PPFIA1: variants seen among roughly 807,000 people sequenced by gnomAD.
PPFIA1 encodes the protein PPFI scaffold protein A1.
Under a neutral mutation model 149.9 loss-of-function variants are expected in PPFIA1, and 25 were observed. The ratio of observed to expected loss-of-function variants is 0.17; its 90% CI spans 0.12 to 0.23. The LOEUF is 0.23. Ranked by LOEUF, PPFIA1 falls within the 10% of genes least tolerant of loss-of-function variation. PPFIA1 has a pLI of 1.00. For synonymous variants in PPFIA1, 549 were observed against 552.8 expected (o/e 0.99, Z 0.10); for missense variants, 1,362 against 1,506.5 (o/e 0.90, Z 1.59).
chr11:70,326,588 C>A lies in PPFIA1; in HGVS notation c.709-9C>A. 1 of 1,595,518 alleles carries A rather than the reference C, an allele frequency of 6.3e-7. No individual in the cohort carries two copies. The highest frequency in any genetic ancestry group is 8.5e-7 in the Non-Finnish European group (1 of 1,169,630). ...AGGGTATTTAAGGATTTTTTTTTCCCCCTATCAGAGATCTTCTGATGGTTC... is the reference window on the plus strand; with the variant it reads ...AGGGTATTTAAGGATTTTTTTTTCCACCTATCAGAGATCTTCTGATGGTTC... On this transcript the variant is annotated splice_polypyrimidine_tract_variant and intron_variant, in intron 6 of 27. Transcript: ENST00000253925.
intron 2 of PPFIA1, among the ~76,000 whole-genome samples, chr11:70,309,846 G>C (rs1271107436): frequency 6.6e-6 from 1 of 152,122 alleles, no homozygotes; most frequent in Non-Finnish European, 1.5e-5. Flanking sequence ...AGGGCGGAGA[G>C]GGGAGGGAGG....
chr11:70,294,090 C>T (rs2051724607), intron 2 of PPFIA1, among the ~76,000 whole-genome samples: 1 of 151,914 alleles, frequency 6.6e-6, no homozygotes, highest in South Asian at 2.1e-4. Context: ...GTGTGCAGTG[C>T]ACCACCATGC....
intron 16 of PPFIA1, among the ~76,000 whole-genome samples, chr11:70,352,631 G>A (rs1222108193): frequency 6.6e-6 from 1 of 152,030 alleles, no homozygotes; most frequent in Non-Finnish European, 1.5e-5. Flanking sequence ...AGTGGTGTTG[G>A]TGTAGACCAA....
At chr11:70,295,512 A>C (rs1376284901) in intron 2 of PPFIA1, among the ~76,000 whole-genome samples, 25 of 60,642 alleles carry the variant, frequency 4.1e-4, no homozygotes, top group Admixed American at 7.4e-4. Context: ...GGGGGGGCTG[A>C]CCCCCCCCAC....
intron 21 of PPFIA1, among the ~76,000 whole-genome samples, chr11:70,368,952 C>CTT (rs35915106): frequency 1.4e-5 from 2 of 138,380 alleles, no homozygotes; most frequent in Non-Finnish European, 3.2e-5. Context: ...CACAGTCAGT[C>CTT]TTTTTTTTTT....
At chr11:70,325,412 A>T (rs910527396) in intron 4 of PPFIA1, 88 bp from the exon 5 acceptor site, 1 of 748,304 alleles carries the variant, frequency 1.3e-6, no homozygotes, top group Non-Finnish European at 2.2e-6. Flanking sequence ...TATATACATT[A>T]AGTGTATATA....
Position 70,300,527 on chromosome 11 carries a change from C to T in PPFIA1, c.265-23875C>T, listed in dbSNP as rs374430171. Among the ~76,000 whole-genome samples, 902 of 150,144 alleles carry T rather than the reference C, an allele frequency of 6.0e-3. 10 individuals carry two copies. The highest frequency in any genetic ancestry group is 0.02 in the African/African-American group (814 of 41,070). On this transcript the variant is annotated intron_variant, in intron 2 of 27. Coordinates refer to ENST00000253925, the MANE Select transcript of PPFIA1 (RefSeq NM_003626.5). ...GGGACTATAAGCATGTGCCACCATG[C>T]CCACCTAATTTTTTTTTTTTTTTTT...
At chr11:70,375,195 A>AC (rs1475556297) in intron 24 of PPFIA1, 102 bp downstream of exon 24, 3 of 417,328 alleles carry the variant, frequency 7.2e-6, no homozygotes, top group Admixed American at 6.1e-5. Flanking sequence ...AAAAAAAAAA[A>AC]AAAAAAACTT....
chr11:70,333,191 G>A (rs947458497), intron 9 of PPFIA1: 6 of 536,464 alleles, frequency 1.1e-5, no homozygotes, highest in Middle Eastern at 3.4e-4. Context: ...GGAGAATCAC[G>A]ACTCCATTGA....
chr11:70,375,346 T>C (rs1292139072), intron 24 of PPFIA1: 1 of 317,652 alleles, frequency 3.1e-6, no homozygotes, highest in Non-Finnish European at 5.6e-6. Flanking sequence ...AAGAGTGACA[T>C]ATATTTAGTT....
chr11:70,348,645 C>G (rs1298061595), intron 16 of PPFIA1, among the ~76,000 whole-genome samples: 1 of 152,178 alleles, frequency 6.6e-6, no homozygotes, highest in African/African-American at 2.4e-5. Context: ...CTTTGGGAGA[C>G]TGAGGTGGGC....
Position 70,374,985 on chromosome 11 carries a change from A to G in PPFIA1, c.3207A>G (p.Ala1069=), listed in dbSNP as rs752607712. The G allele has an allele frequency of 1.5e-5, 25 of 1,613,760 alleles. No homozygotes were observed. The East Asian group carries it at 1.8e-4, about 12-fold the overall frequency. Residue 1069 remains alanine, a synonymous_variant, in exon 24 of 28, where the codon GCA becomes GCG. Transcript: ENST00000253925. ...WILSIGLKEY[A]NNLIESGVHG... is the part of the protein sequence containing the mutation. The stretch of plus-strand genomic sequence containing the variant: ...TGTCAATTGGCCTTAAAGAATATGC[A>G]AACAATCTTATAGAGAGTGGTGTTC...
rs568273110 is a variant in PPFIA1 at position 70,342,418 on chromosome 11, G to A, written c.1708-1251G>A. Among the ~76,000 whole-genome samples, 33 of 152,312 alleles carry A rather than the reference G, an allele frequency of 2.2e-4. No homozygotes were observed. In the South Asian group the frequency reaches 6.8e-3, roughly 32 times the overall value. On this transcript the variant is annotated intron_variant, in intron 14 of 27. Coordinates refer to ENST00000253925, the MANE Select transcript of PPFIA1 (RefSeq NM_003626.5). Reference sequence around the variant, plus strand: ...GTGGCATGAAAGAATCACCCCTGGGGGGATTGCGTAGGTCCCGGCACACAC... The same window carrying A: ...GTGGCATGAAAGAATCACCCCTGGGAGGATTGCGTAGGTCCCGGCACACAC...
At chr11:70,323,779 G>A (rs1404442948) in intron 2 of PPFIA1, among the ~76,000 whole-genome samples, 1 of 152,206 alleles carries the variant, frequency 6.6e-6, no homozygotes, top group Non-Finnish European at 1.5e-5. Flanking sequence ...GCTAGAAGTT[G>A]ATTACCCACA....
chr11:70,287,908 AGT>A, intron 2 of PPFIA1, among the ~76,000 whole-genome samples: 1 of 151,940 alleles, frequency 6.6e-6, no homozygotes, highest in African/African-American at 2.4e-5. Context: ...GGCCTCCCAG[AGT>A]GCTGGGATTA....
chr11:70,357,935 C>T (rs572074402), intron 19 of PPFIA1, among the ~76,000 whole-genome samples: 1 of 152,234 alleles, frequency 6.6e-6, no homozygotes, highest in African/African-American at 2.4e-5. Context: ...CCCTGTGAAA[C>T]TTAATGTTAG....
chr11:70,373,203 ATTTG>A (rs151079983), intron 23 of PPFIA1, among the ~76,000 whole-genome samples: 27,194 of 151,880 alleles, frequency 0.18, 2,702 homozygotes, highest in South Asian at 0.26. Context: ...ACTCAAATTT[ATTTG>A]TTTGTTTGTT....
chr11:70,270,787 C>T lies in PPFIA1; in HGVS notation c.-128C>T, dbSNP rs1441904329. ...TGACTGGGGCGGCGGGCCCCGGGGCCGCGGCGTGGGGCGGGCAGGCGGACG... is the reference window on the plus strand; with the variant it reads ...TGACTGGGGCGGCGGGCCCCGGGGCTGCGGCGTGGGGCGGGCAGGCGGACG... On this transcript the variant is annotated 5_prime_UTR_variant, in exon 1 of 28. Coordinates refer to ENST00000253925, the MANE Select transcript of PPFIA1 (RefSeq NM_003626.5). The T allele has an allele frequency of 8.7e-5, 13 of 150,208 alleles. No individual in the cohort carries two copies. The highest frequency in any genetic ancestry group is 2.1e-4 in the South Asian group (1 of 4,828). 9.3% of individuals were successfully genotyped at this position (150,208 alleles called of 1,614,324 possible). A position where few individuals can be genotyped will look rare whatever the true frequency, so the allele number is the denominator to read the frequency against.
At chr11:70,374,682 G>A (rs538545859) in intron 23 of PPFIA1, 57 of 456,290 alleles carry the variant, frequency 1.2e-4, no homozygotes, top group African/African-American at 8.8e-4. Context: ...CATTCCTCTC[G>A]TGCTCACTGG....
Sources: gnomAD v4.1 joint callset for allele counts (sites outside exome capture counted in the v4.1 genomes callset) on GRCh38, gnomAD v4.1.1 for gene constraint, MANE v1.5 for transcripts, NCBI Gene and HGNC (gene_info 2026-07-23, HGNC 2026-07-21) for gene names.